The following MALRD1 variants were observed in gnomAD, a reference collection of about 807,000 sequenced individuals.
The protein encoded by MALRD1 is MAM and LDL-receptor class A domain-containing protein 1.
MALRD1 carries 247 observed loss-of-function variants against 242.1 expected under a neutral mutation model. The observed-to-expected ratio is 1.02, with a 90% CI of 0.92 to 1.13. The LOEUF (loss-of-function observed/expected upper bound fraction) is 1.13. Ranked by LOEUF, MALRD1 falls within the 50% of genes most tolerant of loss-of-function variation. The probability of loss-of-function intolerance (pLI) is 0.00; values close to 1 mark genes in which losing one functional copy is unlikely to be tolerated. For missense variants in MALRD1, 2,989 were observed against 2,533.1 expected (o/e 1.18, Z -3.86); for synonymous variants, 995 against 866.6 (o/e 1.15, Z -2.60).
intron 28 of MALRD1, among the ~76,000 whole-genome samples, chr10:19,434,633 A>G (rs532988929): frequency 6.6e-6 from 1 of 151,956 alleles, no homozygotes; most frequent in East Asian, 1.9e-4. Flanking sequence ...ACTCCTTTCC[A>G]TTTTTTTAAA....
intron 34 of MALRD1, among the ~76,000 whole-genome samples, chr10:19,606,605 C>T (rs930827959): frequency 1.3e-5 from 2 of 152,140 alleles, no homozygotes; most frequent in African/African-American, 2.4e-5. Flanking sequence ...TGCTTTGACA[C>T]ATTCCCTCTG....
chr10:19,417,342 A>G (rs1169769475), intron 28 of MALRD1, among the ~76,000 whole-genome samples: 1 of 152,194 alleles, frequency 6.6e-6, no homozygotes, highest in Non-Finnish European at 1.5e-5. Flanking sequence ...GACATTTTTA[A>G]GTTTCCCTAT....
chr10:19,373,733 A>G (rs757908592), intron 26 of MALRD1, among the ~76,000 whole-genome samples: 4 of 152,212 alleles, frequency 2.6e-5, no homozygotes, highest in Non-Finnish European at 5.9e-5. Flanking sequence ...CATAGGCAAG[A>G]CATAACAGTG....
At chr10:19,398,379 G>A (rs900073602) in intron 28 of MALRD1, among the ~76,000 whole-genome samples, 2 of 148,010 alleles carry the variant, frequency 1.4e-5, no homozygotes, top group Admixed American at 6.7e-5. Context: ...ATCTGTAATA[G>A]TGACTTTGAA....
At chr10:19,727,717 A>G (rs1835099492) in intron 38 of MALRD1, among the ~76,000 whole-genome samples, 1 of 151,826 alleles carries the variant, frequency 6.6e-6, no homozygotes, top group Non-Finnish European at 1.5e-5. Context: ...AAAAAAATCA[A>G]CTGCTTAAGA....
chr10:19,182,491 AT>A (rs35498337), intron 14 of MALRD1, among the ~76,000 whole-genome samples: 45,178 of 148,854 alleles, frequency 0.3, 7,078 homozygotes, highest in Admixed American at 0.37. Context: ...CGCCCGGCTA[AT>A]TTTTTTTTTG....
chr10:19,144,931 C>G lies in MALRD1; in HGVS notation c.1412-1267C>G, dbSNP rs562049216. On this transcript the variant is annotated intron_variant, in intron 10 of 39. Coordinates refer to ENST00000454679, the MANE Select transcript of MALRD1 (RefSeq NM_001142308.3). ...TTATTAAAGATGATAGCATGAAGATCTTAGGAATCCTGTCAAAACTATGGG... is the reference window on the plus strand; with the variant it reads ...TTATTAAAGATGATAGCATGAAGATGTTAGGAATCCTGTCAAAACTATGGG... 7.5e-4 allele frequency among the ~76,000 whole-genome samples: 114 copies of G among 152,254 alleles called. 1 individual carries two copies. Among genetic ancestry groups the G allele is most frequent in the Non-Finnish European group, 1.5e-3 (105 of 68,020 alleles).
At chr10:19,559,750 G>A (rs1835883405) in intron 32 of MALRD1, among the ~76,000 whole-genome samples, 1 of 152,026 alleles carries the variant, frequency 6.6e-6, no homozygotes, top group African/African-American at 2.4e-5. Context: ...CTGACAAAGG[G>A]CTAATATCCA....
At chr10:19,587,567 T>G (rs1318268946) in intron 33 of MALRD1, among the ~76,000 whole-genome samples, 1 of 152,226 alleles carries the variant, frequency 6.6e-6, no homozygotes, top group East Asian at 1.9e-4. Context: ...TTCATTGAAT[T>G]TCATTGCAAA....
intron 29 of MALRD1, among the ~76,000 whole-genome samples, chr10:19,467,802 T>A (rs111680584): frequency 3.8e-4 from 2 of 5,258 alleles, no homozygotes; most frequent in Admixed American, 2.6e-3. Context: ...ATTAAAATAA[T>A]TTTTTTTTTG....
Position 19,238,545 on chromosome 10 carries a change from A to G in MALRD1, c.2992-19139A>G, listed in dbSNP as rs12256707. On this transcript the variant is annotated intron_variant, in intron 18 of 39. Coordinates refer to ENST00000454679, the MANE Select transcript of MALRD1 (RefSeq NM_001142308.3). ...ATATATAATATACATTATATATAAT[A>G]TATAATGTATATTATATATAATATA... 5.6e-3 allele frequency among the ~76,000 whole-genome samples: 425 copies of G among 75,650 alleles called. 42 individuals carry two copies. Among genetic ancestry groups the G allele is most frequent in the African/African-American group, 0.022 (414 of 19,132 alleles). 49.6% of individuals were successfully genotyped at this position (75,650 alleles called of 152,430 possible). A position where few individuals can be genotyped will look rare whatever the true frequency, so the allele number is the denominator to read the frequency against.
chr10:19,412,591 G>A (rs894021829), intron 28 of MALRD1, among the ~76,000 whole-genome samples: 3 of 152,170 alleles, frequency 2.0e-5, no homozygotes, highest in African/African-American at 7.2e-5. Context: ...ACAAATGTAG[G>A]ACCCTGGAAT....
chr10:19,216,695 C>T (rs1564473872), intron 18 of MALRD1, among the ~76,000 whole-genome samples: 1 of 150,520 alleles, frequency 6.6e-6, no homozygotes, highest in African/African-American at 2.4e-5. Flanking sequence ...CCTGTAATCC[C>T]AGCACTTTGG....
chr10:19,426,248 T>C (rs9888037), intron 28 of MALRD1, among the ~76,000 whole-genome samples: 13,649 of 152,138 alleles, frequency 0.09, 809 homozygotes, highest in African/African-American at 0.16. Flanking sequence ...TACTTAGTGG[T>C]TAAAACATGT....
At chr10:19,416,741 A>G (rs1833527186) in intron 28 of MALRD1, among the ~76,000 whole-genome samples, 1 of 152,214 alleles carries the variant, frequency 6.6e-6, no homozygotes, top group African/African-American at 2.4e-5. Flanking sequence ...TCACTGCATC[A>G]GCAAATGAGC....
intron 2 of MALRD1, among the ~76,000 whole-genome samples, chr10:19,075,124 A>G (rs1309862785): frequency 2.0e-5 from 3 of 151,990 alleles, no homozygotes; most frequent in Non-Finnish European, 2.9e-5. Context: ...GTTTAAAGAG[A>G]CTCAAACTAC....
intron 36 of MALRD1, among the ~76,000 whole-genome samples, chr10:19,638,101 CAAAAAAAAAAAAAAA>C (rs56865342): frequency 4.8e-5 from 2 of 41,926 alleles, no homozygotes; most frequent in African/African-American, 6.2e-5. Flanking sequence ...AACTCACTCT[CAAAAAAAAAAAAAAA>C]AAAAAAAAAA....
chr10:19,134,186 G>T (rs764663359), intron 9 of MALRD1, among the ~76,000 whole-genome samples: 5 of 152,092 alleles, frequency 3.3e-5, no homozygotes, highest in Admixed American at 6.6e-5. Context: ...CTCACTCTCC[G>T]CAGCCTTCCT....
chr10:19,097,016 C>T lies in MALRD1; in HGVS notation c.598-6963C>T, dbSNP rs114332820. Among the ~76,000 whole-genome samples the T allele has an allele frequency of 2.7e-3, 414 of 152,202 alleles. 1 individual carries two copies. The highest frequency in any genetic ancestry group is 9.5e-3 in the African/African-American group (396 of 41,536). ...TTGCTATTTATCTACTTAGCAAAGA[C>T]GGAAGCATTTCAGAGAGTTTCTGAA... On this transcript the variant is annotated intron_variant, in intron 4 of 39. Coordinates refer to ENST00000454679, the MANE Select transcript of MALRD1 (RefSeq NM_001142308.3).
Sources: gnomAD v4.1 joint callset for allele counts (sites outside exome capture counted in the v4.1 genomes callset) on GRCh38, gnomAD v4.1.1 for gene constraint, MANE v1.5 for transcripts, NCBI Gene and HGNC (gene_info 2026-07-23, HGNC 2026-07-21) for gene names.